The following CDH13 variants were observed in gnomAD, a reference collection of about 807,000 sequenced individuals.
The protein encoded by CDH13 is cadherin-13.
CDH13 carries 24 observed loss-of-function variants against 63.8 expected under a neutral mutation model. The observed-to-expected ratio is 0.38, with a 90% CI of 0.27 to 0.53. The LOEUF is 0.53. Among genes scored for constraint, CDH13 ranks in the 20% least tolerant of loss-of-function variants. The probability of loss-of-function intolerance (pLI) is 0.85; values close to 1 mark genes in which losing one functional copy is unlikely to be tolerated. For missense variants in CDH13, 1,049 were observed against 903.1 expected, an observed-to-expected ratio of 1.16 and a Z score of -2.07; for synonymous variants, 503 against 355.3, an observed-to-expected ratio of 1.42 and a Z score of -4.67.
chr16:83,331,715 T>G (rs139921867), intron 5 of CDH13, among the ~76,000 whole-genome samples: 1 of 152,220 alleles, frequency 6.6e-6, no homozygotes, highest in Non-Finnish European at 1.5e-5. Context: ...AATTGCATTA[T>G]GTATACACTA....
At chr16:82,658,750 G>A (rs1043234657) in intron 1 of CDH13, among the ~76,000 whole-genome samples, 1 of 152,216 alleles carries the variant, frequency 6.6e-6, no homozygotes, top group Non-Finnish European at 1.5e-5. Context: ...ATTTGAATGT[G>A]TGCCCAGTGT....
intron 3 of CDH13, among the ~76,000 whole-genome samples, chr16:83,036,565 C>T (rs1295364155): frequency 1.3e-5 from 2 of 152,134 alleles, no homozygotes; most frequent in African/African-American, 2.4e-5. Flanking sequence ...AGGCCTGCAA[C>T]CCAGAATGCC....
At chr16:82,681,339 C>T (rs1234267962) in intron 1 of CDH13, among the ~76,000 whole-genome samples, 2 of 151,872 alleles carry the variant, frequency 1.3e-5, no homozygotes, top group East Asian at 1.9e-4. Flanking sequence ...TTGCCAGGGG[C>T]GTGGAGGAGG....
At chr16:83,042,631 A>C (rs1027268473) in intron 3 of CDH13, among the ~76,000 whole-genome samples, 2 of 152,214 alleles carry the variant, frequency 1.3e-5, no homozygotes, top group Admixed American at 1.3e-4. Flanking sequence ...GTCCATGGAA[A>C]AATTGTCTTC....
At chr16:83,728,446 T>C (rs1256688615) in intron 10 of CDH13, among the ~76,000 whole-genome samples, 1 of 152,048 alleles carries the variant, frequency 6.6e-6, no homozygotes, top group Non-Finnish European at 1.5e-5. Context: ...CCTGCCAATA[T>C]GTGCAATGCA....
chr16:82,745,072 T>C (rs2034100897), intron 1 of CDH13, among the ~76,000 whole-genome samples: 1 of 152,174 alleles, frequency 6.6e-6, no homozygotes, highest in Non-Finnish European at 1.5e-5. Flanking sequence ...AAGGTTAGAG[T>C]TCAGATTAAA....
intron 6 of CDH13, among the ~76,000 whole-genome samples, chr16:83,354,838 C>T (rs1473499093): frequency 6.6e-6 from 1 of 152,180 alleles, no homozygotes; most frequent in Admixed American, 6.5e-5. Context: ...TGTCTCTCTG[C>T]CTGTTGTTTT....
intron 1 of CDH13, chr16:82,705,065 C>A (rs765392562): frequency 1.3e-5 from 6 of 444,784 alleles, no homozygotes; most frequent in African/African-American, 2.0e-5. Flanking sequence ...CTTGTAGACA[C>A]CAGTGAGGCC....
intron 5 of CDH13, among the ~76,000 whole-genome samples, chr16:83,317,680 A>G (rs2090135758): frequency 1.3e-5 from 2 of 152,036 alleles, no homozygotes; most frequent in Non-Finnish European, 2.9e-5. Context: ...TGCACCTGTA[A>G]TCCCAGATAC....
At chr16:83,695,932 C>T (rs1051357171) in intron 10 of CDH13, among the ~76,000 whole-genome samples, 7 of 151,746 alleles carry the variant, frequency 4.6e-5, no homozygotes, top group African/African-American at 1.5e-4. Context: ...GTCTGTCACC[C>T]AGGATGGCCT....
intron 1 of CDH13, chr16:82,826,759 G>GA (rs1360130083): frequency 6.6e-6 from 1 of 152,198 alleles, no homozygotes; most frequent in African/African-American, 2.4e-5. Flanking sequence ...ATTTGCTGGT[G>GA]AAACAGTTTG....
At chr16:83,692,595 T>G (rs897854697) in intron 10 of CDH13, among the ~76,000 whole-genome samples, 64 of 152,344 alleles carry the variant, frequency 4.2e-4, no homozygotes, top group Non-Finnish European at 5.9e-4. Context: ...TGTCATAAAC[T>G]TCCTTATTTT....
chr16:83,517,644 CTTTG>C (rs775928700), intron 7 of CDH13, among the ~76,000 whole-genome samples: 4 of 152,162 alleles, frequency 2.6e-5, no homozygotes, highest in Admixed American at 6.5e-5. Flanking sequence ...CAGGAAGTTC[CTTTG>C]TTTGTTGCAG....
chr16:82,883,886 C>G (rs978654376), intron 2 of CDH13, among the ~76,000 whole-genome samples: 9 of 152,152 alleles, frequency 5.9e-5, no homozygotes, highest in Admixed American at 4.6e-4. Flanking sequence ...CCACTGGAGC[C>G]CAGCTGCTTG....
intron 2 of CDH13, among the ~76,000 whole-genome samples, chr16:82,916,841 A>C (rs1322294328): frequency 6.6e-6 from 1 of 152,182 alleles, no homozygotes; most frequent in Non-Finnish European, 1.5e-5. Flanking sequence ...AATATATAGC[A>C]TTTGTATTTC....
intron 4 of CDH13, among the ~76,000 whole-genome samples, chr16:83,186,934 A>C (rs940627543): frequency 1.3e-5 from 2 of 152,064 alleles, no homozygotes; most frequent in Non-Finnish European, 2.9e-5. Context: ...TTTAATGAAA[A>C]TTGTAACCTA....
chr16:82,776,125 G>C (rs550736211), intron 1 of CDH13, among the ~76,000 whole-genome samples: 2 of 152,050 alleles, frequency 1.3e-5, no homozygotes, highest in Admixed American at 1.3e-4. Context: ...CATGAGAATC[G>C]CTTGAACCCA....
chr16:83,119,931 G>C (rs1037537438), intron 3 of CDH13, among the ~76,000 whole-genome samples: 1 of 152,202 alleles, frequency 6.6e-6, no homozygotes, highest in Admixed American at 6.5e-5. Flanking sequence ...AAAGATAGAA[G>C]CAGAGCCACA....
At chr16:83,361,457 G>C (rs528596366) in intron 6 of CDH13, among the ~76,000 whole-genome samples, 1 of 152,110 alleles carries the variant, frequency 6.6e-6, no homozygotes, top group East Asian at 1.9e-4. Context: ...GTCAATTTTT[G>C]TTTTCCTTGT....
Sources: allele counts gnomAD v4.1 joint callset (sites outside exome capture counted in the v4.1 genomes callset), GRCh38; gene constraint gnomAD v4.1.1; transcripts MANE v1.5; gene names NCBI Gene and HGNC (gene_info 2026-07-23, HGNC 2026-07-21).